Variants in HIVEP3 observed in about 807,000 individuals in gnomAD.
HIVEP3 encodes the protein HIVEP zinc finger 3.
A neutral mutation model predicts 152.8 loss-of-function variants in HIVEP3; 49 were observed. The observed-to-expected ratio is 0.32, with a 90% CI of 0.26 to 0.41. HIVEP3 has a LOEUF of 0.41. Ranked by LOEUF, HIVEP3 falls within the 10% of genes least tolerant of loss-of-function variation. The probability of loss-of-function intolerance (pLI) is 1.00; values close to 1 mark genes in which losing one functional copy is unlikely to be tolerated. For missense variants in HIVEP3, 2,790 were observed against 3,103.3 expected, an observed-to-expected ratio of 0.90 and a Z score of 2.40; for synonymous variants, 1,269 against 1,289.0, an observed-to-expected ratio of 0.98 and a Z score of 0.33.
At chr1:41,798,081 T>C (rs370188598) in intron 1 of HIVEP3, among the ~76,000 whole-genome samples, 2 of 152,144 alleles carry the variant, frequency 1.3e-5, no homozygotes, top group Non-Finnish European at 2.9e-5. Flanking sequence ...TAGGTGGGAA[T>C]TGAACAATGA....
chr1:41,960,268 G>A (rs1051636005), intron 1 of HIVEP3, among the ~76,000 whole-genome samples: 1 of 152,134 alleles, frequency 6.6e-6, no homozygotes, highest in Non-Finnish European at 1.5e-5. Context: ...CCATGGAGAC[G>A]GTAGTTTGTC....
chr1:41,902,466 AC>A (rs1470717687), intron 1 of HIVEP3, among the ~76,000 whole-genome samples: 5 of 151,602 alleles, frequency 3.3e-5, no homozygotes, highest in African/African-American at 7.3e-5. Context: ...GTACACCCCC[AC>A]CCCCCACTGC....
chr1:41,680,299 A>C (rs1412542488), intron 2 of HIVEP3, among the ~76,000 whole-genome samples: 1 of 152,224 alleles, frequency 6.6e-6, no homozygotes, highest in Non-Finnish European at 1.5e-5. Flanking sequence ...GATACCTTAG[A>C]TTCTGGCCTT....
chr1:41,959,015 G>A (rs1190526254), intron 1 of HIVEP3, among the ~76,000 whole-genome samples: 2 of 152,202 alleles, frequency 1.3e-5, no homozygotes, highest in Admixed American at 6.5e-5. Flanking sequence ...CTGGACAGGA[G>A]ACTTCAGCCG....
At chr1:41,814,792 T>C (rs1454806329) in intron 1 of HIVEP3, among the ~76,000 whole-genome samples, 1 of 152,260 alleles carries the variant, frequency 6.6e-6, no homozygotes, top group African/African-American at 2.4e-5. Context: ...CTTTTCCCCA[T>C]TTTAAAATGG....
intron 5 of HIVEP3, 89 bp downstream of exon 5, chr1:41,575,455 C>T (rs920394023): frequency 1.2e-5 from 17 of 1,431,594 alleles, no homozygotes; most frequent in South Asian, 3.8e-5. Flanking sequence ...AGAGCCCTTG[C>T]CAACTGAGCC....
intron 1 of HIVEP3, among the ~76,000 whole-genome samples, chr1:42,035,476 T>C (rs1173988074): frequency 6.6e-6 from 1 of 152,194 alleles, no homozygotes; most frequent in African/African-American, 2.4e-5. Context: ...CTCTGCCCTC[T>C]GCCTGGGAGC....
intron 1 of HIVEP3, among the ~76,000 whole-genome samples, chr1:41,766,313 C>T (rs77945230): frequency 0.098 from 14,869 of 152,174 alleles, 918 homozygotes; most frequent in Middle Eastern, 0.19. Context: ...TGGGTAAAGG[C>T]CAGGGATGTT....
rs371614835 is a variant in HIVEP3 at position 41,738,813 on chromosome 1, C to T, written c.-800-37818G>A. 1.9e-4 allele frequency among the ~76,000 whole-genome samples: 28 copies of T among 150,388 alleles called. No homozygotes were observed. The East Asian group carries it at 2.0e-3, about 11-fold the overall frequency. ...GATTCCTGGGCCCACCATAAATGCC[C>T]GCCTCCCTGTCTGCCTCTTTCCCTA... On this transcript the variant is annotated intron_variant, in intron 1 of 8. Coordinates refer to ENST00000372583, the MANE Select transcript of HIVEP3 (RefSeq NM_024503.5).
At chr1:41,773,889 T>C (rs2124270262) in intron 1 of HIVEP3, among the ~76,000 whole-genome samples, 1 of 152,350 alleles carries the variant, frequency 6.6e-6, no homozygotes, top group South Asian at 2.1e-4. Context: ...AATTAGAACA[T>C]GTCACAGATG....
intron 1 of HIVEP3, among the ~76,000 whole-genome samples, chr1:41,970,975 A>T (rs541176761): frequency 5.3e-5 from 8 of 152,288 alleles, no homozygotes; most frequent in South Asian, 2.1e-4. Flanking sequence ...GAACTGTGAG[A>T]CAATAAGTTT....
chr1:41,732,490 C>T (rs1244509081), intron 1 of HIVEP3, among the ~76,000 whole-genome samples: 1 of 152,054 alleles, frequency 6.6e-6, no homozygotes, highest in East Asian at 1.9e-4. Flanking sequence ...GGGAAGGTGG[C>T]CAAGGAAAGG....
intron 5 of HIVEP3, among the ~76,000 whole-genome samples, chr1:41,573,920 G>A (rs1644288655): frequency 1.3e-5 from 2 of 152,060 alleles, no homozygotes. Flanking sequence ...GAAGAGAAGA[G>A]GACTTGTGGG....
chr1:41,605,371 A>G (rs1306591950), intron 3 of HIVEP3, among the ~76,000 whole-genome samples: 1 of 126,428 alleles, frequency 7.9e-6, no homozygotes, highest in Non-Finnish European at 1.7e-5. Flanking sequence ...ACACACGCAC[A>G]CGCGCACACA....
intron 1 of HIVEP3, among the ~76,000 whole-genome samples, chr1:41,863,838 A>G (rs1643920074): frequency 6.6e-6 from 1 of 152,182 alleles, no homozygotes; most frequent in African/African-American, 2.4e-5. Flanking sequence ...GCTGGCCTCT[A>G]AGTTTCTCCC....
chr1:42,031,660 C>A (rs755603717), intron 1 of HIVEP3, among the ~76,000 whole-genome samples: 5 of 152,132 alleles, frequency 3.3e-5, no homozygotes, highest in Admixed American at 6.5e-5. Flanking sequence ...TGGTAAAGAA[C>A]TACTAGTCTA....
At chr1:41,668,181 C>T (rs995833885) in intron 2 of HIVEP3, among the ~76,000 whole-genome samples, 1 of 152,164 alleles carries the variant, frequency 6.6e-6, no homozygotes, top group Non-Finnish European at 1.5e-5. Flanking sequence ...GAAGGAATCC[C>T]GAGGCAAGAC....
chr1:41,788,499 C>G (rs1649500454), intron 1 of HIVEP3, among the ~76,000 whole-genome samples: 1 of 152,226 alleles, frequency 6.6e-6, no homozygotes, highest in South Asian at 2.1e-4. Context: ...AGAGAGAGCT[C>G]AGGCTATTCT....
intron 1 of HIVEP3, among the ~76,000 whole-genome samples, chr1:41,722,970 A>T (rs1393091367): frequency 1.3e-5 from 2 of 152,188 alleles, no homozygotes; most frequent in African/African-American, 4.8e-5. Flanking sequence ...TGAGGGAAAG[A>T]GGTAAGACCA....
Sources: gnomAD v4.1 joint callset for allele counts (sites outside exome capture counted in the v4.1 genomes callset) on GRCh38, gnomAD v4.1.1 for gene constraint, MANE v1.5 for transcripts, NCBI Gene and HGNC (gene_info 2026-07-23, HGNC 2026-07-21) for gene names.